Variants in ZBTB7C observed in about 807,000 individuals in gnomAD.
ZBTB7C encodes zinc finger and BTB domain-containing protein 7C.
In ZBTB7C, 8 loss-of-function variants were observed where a neutral mutation model predicts 25.7. The observed-to-expected ratio is 0.31, with a 90% confidence interval of 0.18 to 0.56. ZBTB7C has a LOEUF of 0.56. Among genes scored for constraint, ZBTB7C ranks in the 20% least tolerant of loss-of-function variants. The probability of loss-of-function intolerance (pLI) is 0.91; values close to 1 mark genes in which losing one functional copy is unlikely to be tolerated. For synonymous variants in ZBTB7C, 394 were observed against 369.0 expected (o/e 1.07, Z -0.78); for missense variants, 824 against 855.2 (o/e 0.96, Z 0.46).
chr18:48,034,971 G>C (rs2035912192), intron 4 of ZBTB7C, among the ~76,000 whole-genome samples: 1 of 152,202 alleles, frequency 6.6e-6, no homozygotes, highest in Non-Finnish European at 1.5e-5. Flanking sequence ...GCCTCTACCT[G>C]GACTTCTTGT....
chr18:48,183,838 A>C (rs1413875495), intron 3 of ZBTB7C, among the ~76,000 whole-genome samples: 1 of 152,200 alleles, frequency 6.6e-6, no homozygotes, highest in Non-Finnish European at 1.5e-5. Context: ...CCTCCAAGTC[A>C]GACATCACTG....
intron 2 of ZBTB7C, among the ~76,000 whole-genome samples, chr18:48,214,964 T>TACA (rs2042787519): frequency 6.6e-6 from 1 of 152,236 alleles, no homozygotes; most frequent in African/African-American, 2.4e-5. Context: ...GTGGGATTGC[T>TACA]GGATCATATG....
chr18:48,038,943 G>A (rs897578179), intron 4 of ZBTB7C, among the ~76,000 whole-genome samples: 1 of 152,128 alleles, frequency 6.6e-6, no homozygotes, highest in Non-Finnish European at 1.5e-5. Context: ...CTCACACCAG[G>A]AACCAGAGAT....
At chr18:48,259,711 A>T (rs553050902) in intron 2 of ZBTB7C, among the ~76,000 whole-genome samples, 1 of 152,362 alleles carries the variant, frequency 6.6e-6, no homozygotes, top group South Asian at 2.1e-4. Flanking sequence ...AAAATATTTG[A>T]ACAGAACTTT....
intron 2 of ZBTB7C, among the ~76,000 whole-genome samples, chr18:48,213,966 G>A (rs772582918): frequency 1.3e-5 from 2 of 152,228 alleles, no homozygotes; most frequent in Non-Finnish European, 2.9e-5. Flanking sequence ...GGTGAGGTGA[G>A]TCAAAGGTGC....
At chr18:48,270,505 C>T (rs1375104460) in intron 2 of ZBTB7C, among the ~76,000 whole-genome samples, 3 of 149,926 alleles carry the variant, frequency 2.0e-5, no homozygotes. Flanking sequence ...ACCATCCTGG[C>T]TAACACGGTG....
chr18:48,095,962 CT>C (rs2038615981), intron 3 of ZBTB7C, among the ~76,000 whole-genome samples: 1 of 152,146 alleles, frequency 6.6e-6, no homozygotes, highest in Non-Finnish European at 1.5e-5. Flanking sequence ...GGCAAGGAGG[CT>C]GCAAGCAGGC....
chr18:48,210,331 G>A (rs933912297), intron 2 of ZBTB7C, among the ~76,000 whole-genome samples: 1 of 152,042 alleles, frequency 6.6e-6, no homozygotes, highest in Non-Finnish European at 1.5e-5. Flanking sequence ...ATACCCCAAA[G>A]CATATATCCA....
At chr18:48,229,324 G>C (rs2043189753) in intron 2 of ZBTB7C, among the ~76,000 whole-genome samples, 1 of 152,064 alleles carries the variant, frequency 6.6e-6, no homozygotes, top group South Asian at 2.1e-4. Context: ...TTATTCCCAA[G>C]ATTTACCTTG....
chr18:48,202,586 C>T (rs1201997478), intron 2 of ZBTB7C, among the ~76,000 whole-genome samples: 4 of 152,010 alleles, frequency 2.6e-5, no homozygotes, highest in African/African-American at 7.3e-5. Flanking sequence ...CACCTCTCCC[C>T]GCCCAGCTGT....
chr18:48,144,153 C>T (rs962934710), intron 3 of ZBTB7C, among the ~76,000 whole-genome samples: 3 of 152,076 alleles, frequency 2.0e-5, no homozygotes, highest in Admixed American at 1.3e-4. Flanking sequence ...GTGGTGCCTG[C>T]CTGTAATCCC....
intron 2 of ZBTB7C, among the ~76,000 whole-genome samples, chr18:48,196,189 A>G (rs1421352194): frequency 1.3e-5 from 2 of 152,154 alleles, no homozygotes; most frequent in Admixed American, 6.5e-5. Flanking sequence ...TTCTTCAGAG[A>G]CTAAGGACCT....
intron 2 of ZBTB7C, among the ~76,000 whole-genome samples, chr18:48,249,254 T>C (rs573337404): frequency 2.2e-5 from 3 of 137,654 alleles, no homozygotes; most frequent in Admixed American, 1.4e-4. Flanking sequence ...TAGTAATGCC[T>C]CTATTAGGAA....
At chr18:48,161,177 C>G (rs1178989986) in intron 3 of ZBTB7C, among the ~76,000 whole-genome samples, 1 of 151,586 alleles carries the variant, frequency 6.6e-6, no homozygotes, top group Admixed American at 6.6e-5. Flanking sequence ...GGAGGGAGGG[C>G]CTCCTGGGCT....
chr18:48,162,817 G>A (rs2041112479), intron 3 of ZBTB7C, among the ~76,000 whole-genome samples: 1 of 152,238 alleles, frequency 6.6e-6, no homozygotes, highest in African/African-American at 2.4e-5. Context: ...GTGCCTCTCA[G>A]TAAATAAGAG....
intron 3 of ZBTB7C, among the ~76,000 whole-genome samples, chr18:48,082,042 T>C (rs1484949022): frequency 6.6e-6 from 1 of 152,232 alleles, no homozygotes; most frequent in Admixed American, 6.5e-5. Context: ...ACAATATTTC[T>C]ATAGGACAGT....
intron 2 of ZBTB7C, among the ~76,000 whole-genome samples, chr18:48,190,724 G>T (rs1265900506): frequency 2.0e-5 from 3 of 152,220 alleles, no homozygotes; most frequent in Non-Finnish European, 4.4e-5. Context: ...AGGCACCCCA[G>T]AGAGGCAGGC....
intron 2 of ZBTB7C, among the ~76,000 whole-genome samples, chr18:48,222,443 G>A (rs1182181987): frequency 1.3e-5 from 2 of 152,102 alleles, no homozygotes; most frequent in African/African-American, 4.8e-5. Context: ...TGTGTTGAGA[G>A]CAGGACCATA....
chr18:48,219,055 C>T (rs1203955813), intron 2 of ZBTB7C, among the ~76,000 whole-genome samples: 1 of 152,194 alleles, frequency 6.6e-6, no homozygotes, highest in East Asian at 1.9e-4. Context: ...CAGCAGCCCC[C>T]ATCACAAGCC....
Sources: allele counts gnomAD v4.1 joint callset (sites outside exome capture counted in the v4.1 genomes callset), GRCh38; gene constraint gnomAD v4.1.1; transcripts MANE v1.5; gene names NCBI Gene and HGNC (gene_info 2026-07-23, HGNC 2026-07-21).